TTC39B: variants seen among roughly 807,000 people sequenced by gnomAD.
TTC39B encodes tetratricopeptide repeat domain 39B.
Under a neutral mutation model 96.6 loss-of-function variants are expected in TTC39B, and 92 were observed. The observed-to-expected ratio is 0.95, with a 90% CI of 0.80 to 1.13. The LOEUF (loss-of-function observed/expected upper bound fraction) is 1.13. TTC39B is among the 50% of genes most tolerant of loss of function. The probability of loss-of-function intolerance (pLI) is 0.00; values close to 1 mark genes in which losing one functional copy is unlikely to be tolerated. For synonymous variants in TTC39B, 367 were observed against 299.4 expected (o/e 1.23, Z -2.33); for missense variants, 955 against 809.3 (o/e 1.18, Z -2.18).
chr9:15,285,315 T>A (rs141209119), intron 1 of TTC39B, among the ~76,000 whole-genome samples: 86 of 152,194 alleles, frequency 5.7e-4, no homozygotes, highest in African/African-American at 2.0e-3. Flanking sequence ...GTGTATTTGT[T>A]TGTTTACTTT....
intron 2 of TTC39B, among the ~76,000 whole-genome samples, chr9:15,236,893 C>A (rs1408544944): frequency 2.0e-5 from 3 of 152,228 alleles, no homozygotes; most frequent in East Asian, 3.9e-4. Context: ...CTCAAATTAA[C>A]AACCTAACAT....
intron 2 of TTC39B, among the ~76,000 whole-genome samples, chr9:15,241,935 G>A (rs192315505): frequency 2.0e-5 from 3 of 151,784 alleles, no homozygotes; most frequent in South Asian, 2.1e-4. Flanking sequence ...TAGTAGAAAC[G>A]GAGTTTCATC....
At chr9:15,236,413 A>G (rs909752821) in intron 2 of TTC39B, among the ~76,000 whole-genome samples, 1 of 152,228 alleles carries the variant, frequency 6.6e-6, no homozygotes, top group African/African-American at 2.4e-5. Context: ...TAGACAGATC[A>G]TCGAGGCAGA....
At chr9:15,296,801 G>A (rs1824397059) in intron 1 of TTC39B, among the ~76,000 whole-genome samples, 1 of 151,516 alleles carries the variant, frequency 6.6e-6, no homozygotes, top group Non-Finnish European at 1.5e-5. Context: ...CTGGCCAAAA[G>A]CAAATTTTTT....
chr9:15,277,453 C>T (rs1170850472), intron 1 of TTC39B, among the ~76,000 whole-genome samples: 2 of 152,236 alleles, frequency 1.3e-5, no homozygotes, highest in Middle Eastern at 3.4e-3. Context: ...TTTATGAGCA[C>T]AGAGCCCAAT....
intron 2 of TTC39B, among the ~76,000 whole-genome samples, chr9:15,228,675 C>A (rs528164132): frequency 2.0e-5 from 3 of 152,286 alleles, no homozygotes; most frequent in Admixed American, 2.0e-4. Context: ...TCATAAGTTT[C>A]CCCCTCCCAC....
At chr9:15,205,829 G>A (rs1819815836) in intron 6 of TTC39B, among the ~76,000 whole-genome samples, 1 of 152,142 alleles carries the variant, frequency 6.6e-6, no homozygotes, top group African/African-American at 2.4e-5. Flanking sequence ...CAGCGGTGGG[G>A]GAGCCGGGGC....
chr9:15,204,241 A>G (rs932599424), intron 6 of TTC39B, among the ~76,000 whole-genome samples: 1 of 152,182 alleles, frequency 6.6e-6, no homozygotes. Flanking sequence ...AGTAACATAA[A>G]ACTTTGGCTG....
intron 2 of TTC39B, chr9:15,250,132 T>C (rs1249862330): frequency 1.6e-6 from 2 of 1,237,980 alleles, no homozygotes; most frequent in East Asian, 1.1e-4. Flanking sequence ...CCGAGGCAGC[T>C]GACAGCATCC....
chr9:15,208,656 T>G (rs543187591), intron 6 of TTC39B, among the ~76,000 whole-genome samples: 2 of 152,324 alleles, frequency 1.3e-5, no homozygotes, highest in African/African-American at 4.8e-5. Context: ...TACAAATAGT[T>G]GGAGGTCAGT....
At chr9:15,277,351 C>T (rs766139750) in intron 1 of TTC39B, among the ~76,000 whole-genome samples, 3 of 152,206 alleles carry the variant, frequency 2.0e-5, no homozygotes, top group Non-Finnish European at 2.9e-5. Flanking sequence ...TTGCTTGAAC[C>T]CGGGAGGCAG....
chr9:15,219,443 A>C (rs956209583), intron 3 of TTC39B, among the ~76,000 whole-genome samples: 4 of 152,180 alleles, frequency 2.6e-5, no homozygotes, highest in African/African-American at 7.2e-5. Context: ...GATTCATAAG[A>C]TCTATTGATT....
At chr9:15,206,213 G>C (rs1457862490) in intron 6 of TTC39B, among the ~76,000 whole-genome samples, 1 of 151,940 alleles carries the variant, frequency 6.6e-6, no homozygotes, top group Non-Finnish European at 1.5e-5. Flanking sequence ...TGTTTGTAAA[G>C]GCAATTTGAA....
intron 2 of TTC39B, among the ~76,000 whole-genome samples, chr9:15,233,290 A>C (rs529670): frequency 0.5 from 76,687 of 151,864 alleles, 19,845 homozygotes; most frequent in East Asian, 0.75. Context: ...ATGACACCGG[A>C]ACACACGGCG....
Position 15,268,023 on chromosome 9 carries a change from T to C in TTC39B, c.241-75A>G. The C allele has an allele frequency of 7.9e-6, 11 of 1,386,832 alleles. No homozygotes were observed. In the South Asian group the frequency reaches 1.2e-4, roughly 15 times the overall value. The allele number at this position is 1,386,832 out of a possible 1,614,324, so 85.9% of individuals were successfully genotyped here. The stretch of plus-strand genomic sequence containing the variant: ...TTCTCAAGAATTCTAAAAGAGAAAA[T>C]GAATACACGCATTGGGGAGAGTGGT... On this transcript the variant is annotated intron_variant, in intron 1 of 19. Coordinates refer to ENST00000512701, the Ensembl canonical transcript of TTC39B.
chr9:15,260,702 A>C (rs144807864), intron 2 of TTC39B, among the ~76,000 whole-genome samples: 289 of 152,324 alleles, frequency 1.9e-3, no homozygotes, highest in African/African-American at 6.4e-3. Flanking sequence ...TGGAGAAGGA[A>C]AAAGTTTGTG....
intron 1 of TTC39B, among the ~76,000 whole-genome samples, chr9:15,301,957 A>G (rs1036945001): frequency 6.6e-6 from 1 of 152,200 alleles, no homozygotes; most frequent in African/African-American, 2.4e-5. Flanking sequence ...TCAACCCTCA[A>G]AGGAGCCTAA....
intron 2 of TTC39B, among the ~76,000 whole-genome samples, chr9:15,226,665 T>C (rs1821139384): frequency 6.6e-6 from 1 of 152,202 alleles, no homozygotes; most frequent in Non-Finnish European, 1.5e-5. Context: ...AACTGTCTAA[T>C]TTCCCACTAA....
At chr9:15,266,278 C>T (rs1014506603) in intron 2 of TTC39B, among the ~76,000 whole-genome samples, 3 of 151,186 alleles carry the variant, frequency 2.0e-5, no homozygotes, top group African/African-American at 7.3e-5. Flanking sequence ...AAACATGAAA[C>T]TTTTGGACAA....
Sources: gnomAD v4.1 joint callset for allele counts (sites outside exome capture counted in the v4.1 genomes callset) on GRCh38, gnomAD v4.1.1 for gene constraint, MANE v1.5 for transcripts, NCBI Gene and HGNC (gene_info 2026-07-23, HGNC 2026-07-21) for gene names.